Variants in PIP4K2A observed in about 807,000 individuals in gnomAD.
The protein encoded by PIP4K2A is phosphatidylinositol-5-phosphate 4-kinase type 2 alpha.
In PIP4K2A, 14 loss-of-function variants were observed where a neutral mutation model predicts 42.9. The observed-to-expected ratio is 0.33, with a 90% CI of 0.22 to 0.51. The LOEUF is 0.51. Among genes scored for constraint, PIP4K2A ranks in the 20% least tolerant of loss-of-function variants. The pLI is 0.97. For missense variants in PIP4K2A, 434 were observed against 519.8 expected (o/e 0.83, Z 1.61); for synonymous variants, 192 against 192.2 (o/e 1.00, Z 0.01).
intron 9 of PIP4K2A, among the ~76,000 whole-genome samples, chr10:22,537,973 C>G (rs904329195): frequency 2.6e-5 from 4 of 152,204 alleles, no homozygotes; most frequent in African/African-American, 9.7e-5. Context: ...AGCAAGCAAG[C>G]CTGGCCCCCT....
intron 7 of PIP4K2A, among the ~76,000 whole-genome samples, chr10:22,544,817 C>A (rs989003270): frequency 1.3e-5 from 2 of 152,230 alleles, no homozygotes; most frequent in African/African-American, 4.8e-5. Flanking sequence ...CACTTGAGCT[C>A]TGCTCTGCCC....
intron 1 of PIP4K2A, among the ~76,000 whole-genome samples, chr10:22,617,517 A>G (rs2130730405): frequency 6.6e-6 from 1 of 152,390 alleles, no homozygotes; most frequent in African/African-American, 2.4e-5. Flanking sequence ...TCTCAGACTA[A>G]TACATAATTA....
chr10:22,626,249 A>T (rs1043605626), intron 1 of PIP4K2A, among the ~76,000 whole-genome samples: 9 of 150,938 alleles, frequency 6.0e-5, no homozygotes, highest in Admixed American at 3.3e-4. Flanking sequence ...TCTAAAATAT[A>T]TTCTGCTTAA....
At position 22,684,619 on chromosome 10, in the gene PIP4K2A, C is replaced by T. The variant is rs115877518; in HGVS notation, c.144+29564G>A. Among the ~76,000 whole-genome samples, 258 of 152,314 alleles carry T rather than the reference C, an allele frequency of 1.7e-3. 1 individual carries two copies. The highest frequency in any genetic ancestry group is 6.0e-3 in the African/African-American group (248 of 41,566). ...AATTTGTCTATCAGAAAACCTGACA[C>T]ACCTTCCAATGTCCAGTATCAGCTC... is the stretch of plus-strand genomic sequence containing the variant. On this transcript the variant is annotated intron_variant, in intron 1 of 9. Coordinates refer to ENST00000376573, the MANE Select transcript of PIP4K2A (RefSeq NM_005028.5).
intron 7 of PIP4K2A, among the ~76,000 whole-genome samples, chr10:22,545,955 C>T (rs1836250200): frequency 6.6e-6 from 1 of 152,150 alleles, no homozygotes; most frequent in African/African-American, 2.4e-5. Flanking sequence ...ATCCTCCTGC[C>T]TTGGCCTCCC....
chr10:22,707,845 G>C (rs1833849740), intron 1 of PIP4K2A, among the ~76,000 whole-genome samples: 1 of 152,166 alleles, frequency 6.6e-6, no homozygotes, highest in South Asian at 2.1e-4. Flanking sequence ...GTGGTCCATG[G>C]ATAGAATTAA....
At chr10:22,637,218 G>A (rs1838685252) in intron 1 of PIP4K2A, among the ~76,000 whole-genome samples, 1 of 152,098 alleles carries the variant, frequency 6.6e-6, no homozygotes, top group South Asian at 2.1e-4. Context: ...CACCTAGGTT[G>A]GTCTCTCTGG....
chr10:22,623,588 T>C (rs1002519373), intron 1 of PIP4K2A, among the ~76,000 whole-genome samples: 2 of 152,072 alleles, frequency 1.3e-5, no homozygotes, highest in African/African-American at 4.8e-5. Flanking sequence ...CCAGGAACAG[T>C]AGGAGCTTAG....
chr10:22,557,979 A>G (rs1390127380), intron 6 of PIP4K2A, among the ~76,000 whole-genome samples: 3 of 152,210 alleles, frequency 2.0e-5, no homozygotes, highest in African/African-American at 7.2e-5. Context: ...AGGATAATAC[A>G]TATCATAGTA....
Position 22,609,603 on chromosome 10 carries a change from G to T in PIP4K2A, c.242+17C>A, listed in dbSNP as rs754416823. ...AGCAGCCACGCTAGTCTTATGAAAG[G>T]TCATACTTGTACTTACTTGTTAAAA... On this transcript the variant is annotated intron_variant, in intron 2 of 9. Coordinates refer to ENST00000376573, the MANE Select transcript of PIP4K2A (RefSeq NM_005028.5). 11 of 1,385,746 alleles carry T rather than the reference G, an allele frequency of 7.9e-6. No individual in the cohort carries two copies. The highest frequency in any genetic ancestry group is 1.1e-5 in the Non-Finnish European group (11 of 974,144). 85.8% of individuals were successfully genotyped at this position (1,385,746 alleles called of 1,614,324 possible). A position where few individuals can be genotyped will look rare whatever the true frequency, so the allele number is the denominator to read the frequency against.
chr10:22,647,928 G>A (rs1838915892), intron 1 of PIP4K2A, among the ~76,000 whole-genome samples: 1 of 152,174 alleles, frequency 6.6e-6, no homozygotes, highest in Non-Finnish European at 1.5e-5. Flanking sequence ...GATCTTCCAA[G>A]AAAAGCATTT....
At chr10:22,685,538 C>A (rs1839747527) in intron 1 of PIP4K2A, among the ~76,000 whole-genome samples, 1 of 148,454 alleles carries the variant, frequency 6.7e-6, no homozygotes, top group East Asian at 1.9e-4. Flanking sequence ...CTATAAAAAA[C>A]AAACAAACAA....
intron 1 of PIP4K2A, among the ~76,000 whole-genome samples, chr10:22,672,281 C>A (rs1448077226): frequency 7.0e-6 from 1 of 143,566 alleles, no homozygotes; most frequent in East Asian, 2.0e-4. Context: ...GTCGGGGGGA[C>A]AGTGTGGGGG....
At chr10:22,613,376 C>G (rs1262485367) in intron 1 of PIP4K2A, among the ~76,000 whole-genome samples, 2 of 152,046 alleles carry the variant, frequency 1.3e-5, no homozygotes, top group African/African-American at 4.8e-5. Flanking sequence ...TTCCGTAGCA[C>G]TTCTCGAGAA....
chr10:22,598,076 G>A (rs1333600157), intron 3 of PIP4K2A, among the ~76,000 whole-genome samples: 2 of 152,158 alleles, frequency 1.3e-5, no homozygotes, highest in African/African-American at 4.8e-5. Flanking sequence ...CAAAATTGGG[G>A]GCTGGGCACA....
In PIP4K2A at chr10:22,695,336, G is replaced by A. The variant is rs539971911; in HGVS notation, c.144+18847C>T. Reference sequence around the variant, plus strand: ...AAAAATTCATATATTGAGAGCACATGCTCCGATTTTTTTCACTGCTAAGAT... The same window carrying A: ...AAAAATTCATATATTGAGAGCACATACTCCGATTTTTTTCACTGCTAAGAT... On this transcript the variant is annotated intron_variant, in intron 1 of 9. Coordinates refer to ENST00000376573, the MANE Select transcript of PIP4K2A (RefSeq NM_005028.5). Among the ~76,000 whole-genome samples, 3 of 152,250 alleles carry A rather than the reference G, an allele frequency of 2.0e-5. 1 individual carries two copies. The highest frequency in any genetic ancestry group is 7.2e-5 in the African/African-American group (3 of 41,554).
Position 22,639,849 on chromosome 10 carries a change from G to C in PIP4K2A, c.145-30132C>G, listed in dbSNP as rs117265254. On this transcript the variant is annotated intron_variant, in intron 1 of 9. Coordinates refer to ENST00000376573, the MANE Select transcript of PIP4K2A (RefSeq NM_005028.5). ...AAAGTCACATAATGTCTTCAGCCAC[G>C]TAAATTCACACTCCCTGCTCCAGAA... 9.1e-4 allele frequency among the ~76,000 whole-genome samples: 139 copies of C among 152,176 alleles called. 2 individuals are homozygous for C. The highest frequency in any genetic ancestry group is 7.3e-3 in the Admixed American group (111 of 15,280).
intron 1 of PIP4K2A, among the ~76,000 whole-genome samples, chr10:22,707,655 G>T (rs146420322): frequency 6.6e-6 from 1 of 152,114 alleles, no homozygotes; most frequent in African/African-American, 2.4e-5. Flanking sequence ...AGTGGTTAAC[G>T]GTACCGTTGT....
intron 1 of PIP4K2A, among the ~76,000 whole-genome samples, chr10:22,618,692 G>T (rs571972858): frequency 3.3e-5 from 5 of 152,280 alleles, no homozygotes; most frequent in African/African-American, 1.2e-4. Context: ...AGGTGCAGAG[G>T]GCTTGGCTGG....
Sources: gnomAD v4.1 joint callset for allele counts (sites outside exome capture counted in the v4.1 genomes callset) on GRCh38, gnomAD v4.1.1 for gene constraint, MANE v1.5 for transcripts, NCBI Gene and HGNC (gene_info 2026-07-23, HGNC 2026-07-21) for gene names.